Variants in MMS22L observed in about 807,000 individuals in gnomAD.
The protein encoded by MMS22L is MMS22 like, DNA repair protein, also known as protein MMS22-like.
In MMS22L, 74 loss-of-function variants were observed where a neutral mutation model predicts 159.1. That is an observed-to-expected ratio of 0.47 (90% CI 0.39 to 0.56). MMS22L has a LOEUF of 0.56. MMS22L is among the 20% of genes least tolerant of loss of function. MMS22L has a pLI of 0.00. For synonymous variants in MMS22L, 517 were observed against 506.9 expected, an observed-to-expected ratio of 1.02 and a Z score of -0.27; for missense variants, 1,351 against 1,422.1, an observed-to-expected ratio of 0.95 and a Z score of 0.80.
At chr6:97,164,579 T>C (rs988432916) in intron 21 of MMS22L, among the ~76,000 whole-genome samples, 9 of 151,992 alleles carry the variant, frequency 5.9e-5, no homozygotes, top group Non-Finnish European at 1.3e-4. Context: ...AATATTAGCA[T>C]TCATTTTTTC....
At chr6:97,230,314 A>G (rs535052292) in intron 13 of MMS22L, 1 of 143,190 alleles carries the variant, frequency 7.0e-6, no homozygotes, top group South Asian at 2.2e-4. Context: ...CATGTTGTCC[A>G]GGCTGGTCTC....
intron 13 of MMS22L, chr6:97,230,439 G>A (rs1295150828): frequency 6.6e-6 from 1 of 151,658 alleles, no homozygotes; most frequent in Non-Finnish European, 1.5e-5. Context: ...GGCTTATTCA[G>A]GACAGAAATG....
intron 4 of MMS22L, among the ~76,000 whole-genome samples, chr6:97,276,860 A>G (rs958348234): frequency 1.3e-5 from 2 of 152,174 alleles, no homozygotes; most frequent in Non-Finnish European, 2.9e-5. Context: ...TTCATTTACC[A>G]AGCTGATGTA....
At chr6:97,283,390 A>T (rs578165892), upstream of MMS22L, 2 of 116,660 alleles carry the variant, frequency 1.7e-5, no homozygotes, top group African/African-American at 3.1e-5. Flanking sequence ...GGGGCCTGGT[A>T]AAAAAAAAAA....
At chr6:97,196,815 C>T (rs766979932) in intron 14 of MMS22L, among the ~76,000 whole-genome samples, 19 of 152,116 alleles carry the variant, frequency 1.2e-4, no homozygotes, top group Non-Finnish European at 2.2e-4. Flanking sequence ...TGACTTTGCA[C>T]ATATACGAAT....
intron 14 of MMS22L, among the ~76,000 whole-genome samples, chr6:97,194,580 T>TTTAA (rs1806275837): frequency 2.6e-5 from 4 of 152,358 alleles, no homozygotes; most frequent in African/African-American, 9.6e-5. Flanking sequence ...GAATAGGCCT[T>TTTAA]ATTTAATTCC....
At chr6:97,280,917 C>T (rs1227680405) in intron 3 of MMS22L, among the ~76,000 whole-genome samples, 1 of 152,110 alleles carries the variant, frequency 6.6e-6, no homozygotes, top group Admixed American at 6.6e-5. Context: ...TAAGACCATA[C>T]TCTAAAGATC....
chr6:97,220,957 GACACAC>G (rs71012586), intron 14 of MMS22L, among the ~76,000 whole-genome samples: 4,561 of 143,518 alleles, frequency 0.032, 168 homozygotes, highest in African/African-American at 0.084. Flanking sequence ...TAAGACCCCT[GACACAC>G]ACACACACAC....
In MMS22L at chr6:97,146,721, A is replaced by C; in HGVS notation, c.*85T>G. On this transcript the variant is annotated 3_prime_UTR_variant, in exon 25 of 25. Coordinates refer to ENST00000683635, the MANE Select transcript of MMS22L (RefSeq NM_001350599.2). Reference sequence around the variant, plus strand: ...GAAATTATTTTAAACAGAACATTATACAATTAATTAAAAGTAGGAATTAGA... The same window carrying C: ...GAAATTATTTTAAACAGAACATTATCCAATTAATTAAAAGTAGGAATTAGA... The C allele has an allele frequency of 1.1e-6, 1 of 891,560 alleles. No homozygotes were observed. Among genetic ancestry groups the C allele is most frequent in the South Asian group, 1.7e-5 (1 of 60,000 alleles). The allele number at this position is 891,560 out of a possible 1,614,324, so 55.2% of individuals were successfully genotyped here. A position where few individuals can be genotyped will look rare whatever the true frequency, so the allele number is the denominator to read the frequency against.
chr6:97,219,205 T>C (rs1165745967), intron 14 of MMS22L, among the ~76,000 whole-genome samples: 4 of 152,256 alleles, frequency 2.6e-5, no homozygotes, highest in African/African-American at 7.2e-5. Flanking sequence ...CGGATAAGCA[T>C]ACATTTCTCT....
chr6:97,245,107 T>G (rs987069107), intron 11 of MMS22L, among the ~76,000 whole-genome samples: 12 of 152,146 alleles, frequency 7.9e-5, no homozygotes, highest in Admixed American at 1.3e-4. Flanking sequence ...AGGGCTGAGA[T>G]CTATGTAAAT....
chr6:97,184,914 C>A lies in MMS22L; in HGVS notation c.2233+1583G>T, dbSNP rs957606378. On this transcript the variant is annotated intron_variant, in intron 15 of 24. Coordinates refer to ENST00000683635, the MANE Select transcript of MMS22L (RefSeq NM_001350599.2). ...CTTTATAACCACTTACAAGGCAGAA[C>A]ACAAACTAGCTCTCCATTACCTCTT... 5.3e-5 allele frequency among the ~76,000 whole-genome samples: 8 copies of A among 152,262 alleles called. No individual in the cohort carries two copies. The East Asian group carries it at 1.5e-3, about 29-fold the overall frequency.
intron 22 of MMS22L, among the ~76,000 whole-genome samples, chr6:97,160,855 T>G (rs1371101909): frequency 6.6e-6 from 1 of 151,984 alleles, no homozygotes; most frequent in African/African-American, 2.4e-5. Flanking sequence ...TGCTAATTCT[T>G]TCTTCTGCCA....
At chr6:97,179,386 CA>C in intron 17 of MMS22L, 21 bp downstream of exon 17, 2 of 1,604,232 alleles carry the variant, frequency 1.2e-6, no homozygotes, top group South Asian at 1.1e-5. Context: ...CCATCCTCCC[CA>C]AAAAACGTAC....
At chr6:97,229,512 G>A (rs981741456) in intron 13 of MMS22L, 109 bp from the exon 14 acceptor site, 7 of 773,602 alleles carry the variant, frequency 9.0e-6, no homozygotes, top group Non-Finnish European at 1.2e-5. Flanking sequence ...TAAATTTTAA[G>A]CTAATTCTTT....
chr6:97,172,945 G>A, intron 19 of MMS22L, 118 bp downstream of exon 19: 1 of 924,864 alleles, frequency 1.1e-6, no homozygotes, highest in Non-Finnish European at 1.6e-6. Context: ...CTGTATTTCA[G>A]ATTACTCTTA....
chr6:97,279,220 T>A (rs780043447), intron 3 of MMS22L, among the ~76,000 whole-genome samples: 34 of 151,948 alleles, frequency 2.2e-4, no homozygotes, highest in Non-Finnish European at 4.3e-4. Flanking sequence ...GTGGTGGCTC[T>A]TGCCTGTAAT....
chr6:97,168,450 A>C (rs1803201226), intron 19 of MMS22L, among the ~76,000 whole-genome samples: 1 of 152,108 alleles, frequency 6.6e-6, no homozygotes, highest in South Asian at 2.1e-4. Context: ...GCCAAGGAAA[A>C]CATACATTTT....
chr6:97,202,756 A>G (rs1290905377), intron 14 of MMS22L, among the ~76,000 whole-genome samples: 1 of 152,196 alleles, frequency 6.6e-6, no homozygotes, highest in Non-Finnish European at 1.5e-5. Context: ...AAACTCTTAC[A>G]CTTGAAGGTT....
Sources: gnomAD v4.1 joint callset for allele counts (sites outside exome capture counted in the v4.1 genomes callset) on GRCh38, gnomAD v4.1.1 for gene constraint, MANE v1.5 for transcripts, NCBI Gene and HGNC (gene_info 2026-07-23, HGNC 2026-07-21) for gene names.